The following TSPAN5 variants were observed in gnomAD, a reference collection of about 807,000 sequenced individuals.
TSPAN5 encodes the protein tetraspanin-5.
A neutral mutation model predicts 37.1 loss-of-function variants in TSPAN5; 10 were observed. That is an observed-to-expected ratio of 0.27 (90% CI 0.17 to 0.46). The LOEUF is 0.46. Among genes scored for constraint, TSPAN5 ranks in the 20% least tolerant of loss-of-function variants. The pLI is 1.00. For synonymous variants in TSPAN5, 110 were observed against 118.9 expected (o/e 0.93, Z 0.48); for missense variants, 195 against 326.6 (o/e 0.60, Z 3.11).
intron 3 of TSPAN5, 25 bp downstream of exon 3, chr4:98,486,713 T>C (rs376934870): frequency 1.2e-6 from 2 of 1,613,504 alleles, no homozygotes; most frequent in African/African-American, 2.7e-5. Context: ...GCTCTCAATC[T>C]GAGAGTAGAG....
At chr4:98,585,691 GT>G (rs1423496996) in intron 1 of TSPAN5, among the ~76,000 whole-genome samples, 2 of 152,156 alleles carry the variant, frequency 1.3e-5, no homozygotes, top group African/African-American at 4.8e-5. Flanking sequence ...TTTACTTTCT[GT>G]TTCTGAGTTA....
chr4:98,529,703 C>CA (rs1396353612), intron 1 of TSPAN5, among the ~76,000 whole-genome samples: 2 of 152,188 alleles, frequency 1.3e-5, no homozygotes, highest in Non-Finnish European at 2.9e-5. Flanking sequence ...GATCTATTGG[C>CA]AATACAGTTT....
chr4:98,518,374 T>A (rs1753782251), intron 1 of TSPAN5, among the ~76,000 whole-genome samples: 1 of 152,142 alleles, frequency 6.6e-6, no homozygotes, highest in African/African-American at 2.4e-5. Flanking sequence ...AGAAAATGAA[T>A]GATATCTTTT....
chr4:98,473,066 T>C (rs561418898), intron 7 of TSPAN5, among the ~76,000 whole-genome samples: 1 of 152,258 alleles, frequency 6.6e-6, no homozygotes, highest in Non-Finnish European at 1.5e-5. Flanking sequence ...CCATTTTGTT[T>C]ATCTACTCCT....
chr4:98,658,491 G>T lies in TSPAN5; in HGVS notation c.-265C>A, dbSNP rs555626228. On this transcript the variant is annotated 5_prime_UTR_variant, in exon 1 of 8. Coordinates refer to ENST00000305798, the MANE Select transcript of TSPAN5 (RefSeq NM_005723.4). ...CGCTGCAAGCTCAAGCCTCGCCGACGCTAGCCCCGAACACAAAGCGAGCGC... is the reference window on the plus strand; with the variant it reads ...CGCTGCAAGCTCAAGCCTCGCCGACTCTAGCCCCGAACACAAAGCGAGCGC... The T allele has an allele frequency of 1.7e-5, 4 of 241,908 alleles. No homozygotes were observed. In the South Asian group the frequency reaches 6.9e-4, roughly 42 times the overall value. The allele number at this position is 241,908 out of a possible 1,614,324, so 15.0% of individuals were successfully genotyped here.
chr4:98,479,766 C>T (rs758146004), intron 4 of TSPAN5, among the ~76,000 whole-genome samples: 2 of 152,162 alleles, frequency 1.3e-5, no homozygotes, highest in Non-Finnish European at 2.9e-5. Flanking sequence ...TTACTGCTGA[C>T]TAATATCTTG....
At chr4:98,552,247 AGTTTG>A (rs1754637730) in intron 1 of TSPAN5, among the ~76,000 whole-genome samples, 1 of 151,520 alleles carries the variant, frequency 6.6e-6, no homozygotes, top group Non-Finnish European at 1.5e-5. Flanking sequence ...TGTAACTTTG[AGTTTG>A]GTTTGTTCTT....
At chr4:98,568,271 G>A (rs780344143) in intron 1 of TSPAN5, among the ~76,000 whole-genome samples, 1 of 152,158 alleles carries the variant, frequency 6.6e-6, no homozygotes, top group African/African-American at 2.4e-5. Flanking sequence ...GGCCAGGCAC[G>A]GTGGTTCCCG....
intron 1 of TSPAN5, among the ~76,000 whole-genome samples, chr4:98,601,399 C>G (rs1177569747): frequency 2.0e-5 from 3 of 152,232 alleles, no homozygotes; most frequent in Non-Finnish European, 4.4e-5. Context: ...CATCAATTAT[C>G]TTAGCTAGAT....
At chr4:98,618,675 G>A (rs1452981775) in intron 1 of TSPAN5, among the ~76,000 whole-genome samples, 1 of 152,146 alleles carries the variant, frequency 6.6e-6, no homozygotes, top group Non-Finnish European at 1.5e-5. Context: ...AGGTCCACGG[G>A]ACTCTAAAGC....
In TSPAN5 at chr4:98,534,948, T is replaced by C. The variant is rs572716944; in HGVS notation, c.82-27220A>G. The stretch of plus-strand genomic sequence containing the variant: ...GTCTTTGCATGTGAGTTGGATCTCC[T>C]GAATAGAGCACACTGATGGGTCTTG... On this transcript the variant is annotated intron_variant, in intron 1 of 7. Coordinates refer to ENST00000305798, the MANE Select transcript of TSPAN5 (RefSeq NM_005723.4). Among the ~76,000 whole-genome samples, 121 of 152,364 alleles carry C rather than the reference T, an allele frequency of 7.9e-4. No homozygotes were observed. The Middle Eastern group carries it at 0.014, about 17-fold the overall frequency.
intron 3 of TSPAN5, chr4:98,482,754 G>A (rs1251421237): frequency 1.3e-5 from 2 of 152,280 alleles, no homozygotes; most frequent in Admixed American, 6.5e-5. Flanking sequence ...CAGTGACCGC[G>A]AAATGAAAGT....
chr4:98,517,305 G>A (rs1318152314), intron 1 of TSPAN5, among the ~76,000 whole-genome samples: 1 of 152,070 alleles, frequency 6.6e-6, no homozygotes, highest in Non-Finnish European at 1.5e-5. Flanking sequence ...CCACTTGCAG[G>A]AAAGAGCTGT....
intron 1 of TSPAN5, among the ~76,000 whole-genome samples, chr4:98,614,269 T>C (rs927365823): frequency 2.6e-5 from 4 of 152,196 alleles, no homozygotes; most frequent in African/African-American, 9.7e-5. Flanking sequence ...TGGGGCCTTA[T>C]TCTTTAGTCC....
intron 1 of TSPAN5, among the ~76,000 whole-genome samples, chr4:98,531,037 G>A (rs1199671811): frequency 1.3e-5 from 2 of 152,140 alleles, no homozygotes; most frequent in Non-Finnish European, 2.9e-5. Flanking sequence ...CTTCTGAGTA[G>A]CTGGGATTAC....
chr4:98,480,755 G>A (rs564917864), intron 4 of TSPAN5, among the ~76,000 whole-genome samples: 2 of 152,248 alleles, frequency 1.3e-5, no homozygotes, highest in East Asian at 3.9e-4. Flanking sequence ...AATAATGCCA[G>A]GAAAGGGATT....
intron 1 of TSPAN5, among the ~76,000 whole-genome samples, chr4:98,595,740 G>A (rs1261879208): frequency 1.0e-5 from 1 of 98,586 alleles, no homozygotes; most frequent in Non-Finnish European, 1.9e-5. Context: ...ATGTAGTTGA[G>A]CGGCTTTGAG....
chr4:98,493,778 G>A (rs1317751943), intron 2 of TSPAN5, among the ~76,000 whole-genome samples: 1 of 152,168 alleles, frequency 6.6e-6, no homozygotes, highest in East Asian at 1.9e-4. Context: ...GAGGTCTACA[G>A]CTGTTGTTGC....
At chr4:98,608,954 G>A (rs1756108410) in intron 1 of TSPAN5, among the ~76,000 whole-genome samples, 1 of 152,088 alleles carries the variant, frequency 6.6e-6, no homozygotes, top group Non-Finnish European at 1.5e-5. Context: ...CTAACACATG[G>A]CACTTATTTC....
Sources: gnomAD v4.1 joint callset for allele counts (sites outside exome capture counted in the v4.1 genomes callset) on GRCh38, gnomAD v4.1.1 for gene constraint, MANE v1.5 for transcripts, NCBI Gene and HGNC (gene_info 2026-07-23, HGNC 2026-07-21) for gene names.